NCKAP5: variants seen among roughly 807,000 people sequenced by gnomAD.
NCKAP5 encodes the protein nck-associated protein 5.
NCKAP5 carries 92 observed loss-of-function variants against 167.0 expected under a neutral mutation model. That is an observed-to-expected ratio of 0.55 (90% CI 0.47 to 0.66). NCKAP5 has a LOEUF of 0.66. Among genes scored for constraint, NCKAP5 ranks in the 30% least tolerant of loss-of-function variants. NCKAP5 has a pLI of 0.00. For missense variants in NCKAP5, 2,378 were observed against 2,315.0 expected (o/e 1.03, Z -0.56); for synonymous variants, 891 against 877.4 (o/e 1.02, Z -0.27).
At chr2:133,300,912 A>G (rs1272624314) in intron 4 of NCKAP5, among the ~76,000 whole-genome samples, 12 of 57,874 alleles carry the variant, frequency 2.1e-4, no homozygotes, top group Non-Finnish European at 9.3e-5. Context: ...CCTTAAGCTG[A>G]TAAGCAACTT....
intron 4 of NCKAP5, among the ~76,000 whole-genome samples, chr2:133,269,500 G>A (rs528095687): frequency 1.3e-5 from 2 of 152,310 alleles, no homozygotes; most frequent in Admixed American, 1.3e-4. Context: ...GTCCCAGGAA[G>A]TGGGAAAAGC....
At chr2:132,741,728 A>G (rs548961701) in intron 16 of NCKAP5, among the ~76,000 whole-genome samples, 5 of 152,120 alleles carry the variant, frequency 3.3e-5, no homozygotes, top group Non-Finnish European at 5.9e-5. Context: ...TAGAATCACA[A>G]TGGCTCCAGC....
At chr2:133,518,479 C>T (rs976757083) in intron 2 of NCKAP5, among the ~76,000 whole-genome samples, 4 of 151,166 alleles carry the variant, frequency 2.6e-5, no homozygotes, top group Non-Finnish European at 2.9e-5. Context: ...CTCAGCCTCC[C>T]GAGTAGCTGG....
chr2:133,264,590 A>C (rs1401020865), intron 4 of NCKAP5, among the ~76,000 whole-genome samples: 1 of 152,230 alleles, frequency 6.6e-6, no homozygotes, highest in Non-Finnish European at 1.5e-5. Flanking sequence ...CAGAAACATC[A>C]CATGGTTTTC....
At chr2:133,409,843 A>G (rs965326778) in intron 3 of NCKAP5, among the ~76,000 whole-genome samples, 1 of 152,220 alleles carries the variant, frequency 6.6e-6, no homozygotes, top group Non-Finnish European at 1.5e-5. Context: ...GCTATGAAGG[A>G]TCAAACTATT....
chr2:133,467,568 T>C (rs1039060810), intron 3 of NCKAP5, among the ~76,000 whole-genome samples: 5 of 150,602 alleles, frequency 3.3e-5, no homozygotes, highest in Admixed American at 6.6e-5. Flanking sequence ...TTGATTGGAA[T>C]AGTTTCAGAA....
chr2:133,066,730 T>A (rs979507775), intron 6 of NCKAP5, among the ~76,000 whole-genome samples: 3 of 152,216 alleles, frequency 2.0e-5, no homozygotes, highest in African/African-American at 4.8e-5. Context: ...ATAGCCAGTC[T>A]GCAAAAATTT....
intron 11 of NCKAP5, among the ~76,000 whole-genome samples, chr2:132,800,035 C>T (rs1304192128): frequency 6.6e-6 from 1 of 152,122 alleles, no homozygotes; most frequent in Non-Finnish European, 1.5e-5. Context: ...ATAATAGGCT[C>T]ATATTTTCAT....
At chr2:132,942,728 C>A (rs1053174948) in intron 8 of NCKAP5, among the ~76,000 whole-genome samples, 13 of 152,144 alleles carry the variant, frequency 8.5e-5, no homozygotes, top group Admixed American at 2.0e-4. Context: ...GATGACATGA[C>A]CACTCAGGTA....
chr2:133,335,508 CCTTTATGTA>C (rs1220396134), intron 3 of NCKAP5, among the ~76,000 whole-genome samples: 1 of 152,094 alleles, frequency 6.6e-6, no homozygotes, highest in African/African-American at 2.4e-5. Context: ...TCCCCTTAAT[CCTTTATGTA>C]CTTTACCTGC....
chr2:133,028,287 T>C (rs2078763336), intron 6 of NCKAP5, among the ~76,000 whole-genome samples: 1 of 152,200 alleles, frequency 6.6e-6, no homozygotes, highest in South Asian at 2.1e-4. Flanking sequence ...ACTTAAAAAG[T>C]GTGGAAATTA....
chr2:133,616,176 C>T, the NCKAP5 span, among the ~76,000 whole-genome samples: 1 of 151,052 alleles, frequency 6.6e-6, no homozygotes, highest in Non-Finnish European at 1.5e-5. Context: ...ATTTATAGCA[C>T]TAAATGCCCA....
At chr2:133,413,563 A>G (rs1286912909) in intron 3 of NCKAP5, among the ~76,000 whole-genome samples, 1 of 152,104 alleles carries the variant, frequency 6.6e-6, no homozygotes, top group Non-Finnish European at 1.5e-5. Flanking sequence ...ATTATTTCTC[A>G]CAACTGCATG....
At chr2:133,440,667 G>A (rs536827143) in intron 3 of NCKAP5, among the ~76,000 whole-genome samples, 10 of 126,278 alleles carry the variant, frequency 7.9e-5, no homozygotes, top group Admixed American at 3.1e-4. Flanking sequence ...CAGAGATGGC[G>A]CCACTGCACT....
chr2:133,429,582 T>A (rs151029038), intron 3 of NCKAP5, among the ~76,000 whole-genome samples: 1 of 152,282 alleles, frequency 6.6e-6, no homozygotes, highest in East Asian at 1.9e-4. Context: ...TGTTTTCTTT[T>A]TCTGTGTTAG....
the NCKAP5 span, among the ~76,000 whole-genome samples, chr2:133,659,833 G>A: frequency 6.6e-6 from 1 of 151,980 alleles, no homozygotes. Flanking sequence ...ATACATAATG[G>A]TGAACATACA....
intron 8 of NCKAP5, among the ~76,000 whole-genome samples, chr2:132,921,891 G>A (rs972767166): frequency 6.6e-6 from 1 of 152,150 alleles, no homozygotes; most frequent in African/African-American, 2.4e-5. Context: ...CTCAGTGACT[G>A]TTTCAGAGAT....
intron 6 of NCKAP5, among the ~76,000 whole-genome samples, chr2:132,995,405 C>A (rs1289792979): frequency 2.7e-5 from 4 of 150,468 alleles, no homozygotes; most frequent in African/African-American, 9.8e-5. Flanking sequence ...GATCTCAGCA[C>A]TTTGGGAGGC....
At chr2:132,896,579 GCT>G (rs1693228244) in intron 8 of NCKAP5, among the ~76,000 whole-genome samples, 1 of 152,146 alleles carries the variant, frequency 6.6e-6, no homozygotes, top group Admixed American at 6.6e-5. Context: ...TTACAGCTCA[GCT>G]CAGGTGCAAT....
Sources: gnomAD v4.1 joint callset for allele counts (sites outside exome capture counted in the v4.1 genomes callset) on GRCh38, gnomAD v4.1.1 for gene constraint, MANE v1.5 for transcripts, NCBI Gene and HGNC (gene_info 2026-07-23, HGNC 2026-07-21) for gene names.